Variants in ATP13A4 observed in about 807,000 individuals in gnomAD.
ATP13A4 encodes the protein ATPase 13A4.
A neutral mutation model predicts 142.5 loss-of-function variants in ATP13A4; 114 were observed. The ratio of observed to expected loss-of-function variants is 0.80; its 90% CI spans 0.69 to 0.93. The LOEUF is 0.93. Among genes scored for constraint, ATP13A4 ranks in the 40% least tolerant of loss-of-function variants. ATP13A4 has a pLI of 0.00. For missense variants in ATP13A4, 1,392 were observed against 1,454.0 expected, an observed-to-expected ratio of 0.96 and a Z score of 0.69; for synonymous variants, 488 against 514.8, an observed-to-expected ratio of 0.95 and a Z score of 0.70.
At chr3:193,548,338 A>C (rs954248958) in intron 1 of ATP13A4, among the ~76,000 whole-genome samples, 1 of 152,172 alleles carries the variant, frequency 6.6e-6, no homozygotes, top group African/African-American at 2.4e-5. Flanking sequence ...TTCTGGGTGT[A>C]ATGGGAAGGG....
At position 193,457,449 on chromosome 3, in the gene ATP13A4, C is replaced by T. The variant is rs192347580; in HGVS notation, c.1691G>A (p.Gly564Glu). Residue 564 changes from glycine (G) to glutamate (E), a missense_variant, in exon 15 of 30, where the codon GGG becomes GAG. Coordinates refer to ENST00000342695, the MANE Select transcript of ATP13A4 (RefSeq NM_032279.4). ...CACTCCCTTGATGTGGAAATCGTCC[C>T]CAGAAAAAGCCATTTCCTATTTCAC... ...EATTWEMAFS[G>E]DDFHIKGVPA... is the part of the protein sequence containing the mutation. The T allele has an allele frequency of 5.0e-6, 8 of 1,613,954 alleles. No individual in the cohort carries two copies. Among genetic ancestry groups the T allele is most frequent in the Middle Eastern group, 1.6e-4 (1 of 6,062 alleles).
intron 23 of ATP13A4, among the ~76,000 whole-genome samples, chr3:193,436,208 A>G (rs887233699): frequency 1.3e-5 from 2 of 152,224 alleles, no homozygotes; most frequent in Non-Finnish European, 2.9e-5. Context: ...CATTTGATTC[A>G]AATTTCATTT....
intron 1 of ATP13A4, among the ~76,000 whole-genome samples, chr3:193,524,487 A>G (rs544335957): frequency 1.3e-5 from 2 of 152,340 alleles, no homozygotes; most frequent in South Asian, 2.1e-4. Context: ...TGAATAAAAA[A>G]CAGCTCAAAA....
chr3:193,572,978 A>T lies in ATP13A4; in HGVS notation n.291+8729T>A, dbSNP rs1202902688. ...CACCTTCTTTACAAAAAAAAAAAAA[A>T]TTACAAAAATTAGCTGGGCATGGTG... On this transcript the variant is annotated intron_variant and non_coding_transcript_variant, in intron 2 of 3. Transcript: ENST00000489140. Among the ~76,000 whole-genome samples the T allele has an allele frequency of 2.4e-5, 3 of 125,280 alleles. No individual in the cohort carries two copies. In the East Asian group the frequency reaches 7.3e-4, roughly 31 times the overall value. 82.2% of individuals were successfully genotyped at this position (125,280 alleles called of 152,430 possible).
At chr3:193,408,454 T>C (rs1001257604) in intron 28 of ATP13A4, among the ~76,000 whole-genome samples, 1 of 152,194 alleles carries the variant, frequency 6.6e-6, no homozygotes, top group African/African-American at 2.4e-5. Context: ...GGAAAATGTA[T>C]GTACTGATAT....
chr3:193,570,790 T>C (rs1030981198), intron 2 of ATP13A4, among the ~76,000 whole-genome samples: 1 of 152,184 alleles, frequency 6.6e-6, no homozygotes, highest in Non-Finnish European at 1.5e-5. Flanking sequence ...TATTTATCTC[T>C]ACAAGCTTCA....
intron 22 of ATP13A4, 72 bp from the exon 23 acceptor site, chr3:193,438,656 G>T: frequency 6.1e-6 from 8 of 1,310,806 alleles, no homozygotes; most frequent in South Asian, 1.2e-5. Flanking sequence ...ATAAGAAAAG[G>T]CCAGTTAAGC....
At chr3:193,435,584 A>G in intron 24 of ATP13A4, 64 bp downstream of exon 24, 1 of 1,286,110 alleles carries the variant, frequency 7.8e-7, no homozygotes, top group Admixed American at 1.7e-5. Context: ...GGCATTGTAA[A>G]TTGAGAGTGC....
intron 2 of ATP13A4, among the ~76,000 whole-genome samples, chr3:193,578,315 ATATC>A (rs1724452729): frequency 7.0e-6 from 1 of 142,874 alleles, no homozygotes; most frequent in Non-Finnish European, 1.5e-5. Flanking sequence ...ATCTATATCT[ATATC>A]TATATCTATA....
intron 26 of ATP13A4, among the ~76,000 whole-genome samples, chr3:193,414,316 C>A (rs1714936845): frequency 6.6e-6 from 1 of 152,038 alleles, no homozygotes; most frequent in South Asian, 2.1e-4. Context: ...AATTATAATC[C>A]ATGGTCACCC....
chr3:193,584,160 T>C (rs1254843997), intron 1 of ATP13A4, among the ~76,000 whole-genome samples: 2 of 152,210 alleles, frequency 1.3e-5, no homozygotes, highest in African/African-American at 4.8e-5. Context: ...GCTGACCAGT[T>C]GACCCTAGAA....
intron 1 of ATP13A4, among the ~76,000 whole-genome samples, chr3:193,587,595 A>G (rs968128547): frequency 6.6e-6 from 1 of 152,196 alleles, no homozygotes; most frequent in Non-Finnish European, 1.5e-5. Flanking sequence ...TTTTGCAAGT[A>G]TATAGAAACA....
At chr3:193,433,797 G>A (rs774273426) in intron 25 of ATP13A4, 48 bp downstream of exon 25, 67 of 1,377,012 alleles carry the variant, frequency 4.9e-5, no homozygotes, top group Admixed American at 1.5e-4. Flanking sequence ...GCAGAGGGAG[G>A]GCAGCTGAGG....
At chr3:193,580,119 A>G (rs1450065525) in intron 2 of ATP13A4, among the ~76,000 whole-genome samples, 1 of 152,194 alleles carries the variant, frequency 6.6e-6, no homozygotes. Flanking sequence ...TATTTTATAT[A>G]AATATGTGAA....
rs1714201694 is a variant in ATP13A4 at position 193,399,692 on chromosome 3, C to T, written c.*2960G>A. Among the ~76,000 whole-genome samples, 1 of 151,624 alleles carries T rather than the reference C, an allele frequency of 6.6e-6. No individual in the cohort carries two copies. Among genetic ancestry groups the T allele is most frequent in the Non-Finnish European group, 1.5e-5 (1 of 67,910 alleles). On this transcript the variant is annotated 3_prime_UTR_variant, in exon 30 of 30. Coordinates refer to ENST00000342695, the MANE Select transcript of ATP13A4 (RefSeq NM_032279.4). ...TGAAACCCCATCTCTACTAAAAATA[C>T]AAAAAATTAGCCGGGCATGGTGGCA...
chr3:193,460,968 G>T (rs1054644632), intron 13 of ATP13A4, among the ~76,000 whole-genome samples: 4 of 152,136 alleles, frequency 2.6e-5, no homozygotes, highest in African/African-American at 9.7e-5. Context: ...TATAAGTCAG[G>T]TGCTCACTTC....
At chr3:193,542,146 A>G (rs540705673) in intron 1 of ATP13A4, among the ~76,000 whole-genome samples, 13 of 152,228 alleles carry the variant, frequency 8.5e-5, no homozygotes, top group Non-Finnish European at 1.8e-4. Flanking sequence ...TACAAAATCA[A>G]TGTGCAAAAA....
intron 1 of ATP13A4, among the ~76,000 whole-genome samples, chr3:193,586,104 CACACACACACACATAT>C (rs780668679): frequency 0.032 from 4,790 of 151,850 alleles, 89 homozygotes; most frequent in African/African-American, 0.04. Flanking sequence ...CACACACACA[CACACACACACACATAT>C]ACACACACAC....
chr3:193,501,349 A>C (rs930908604), intron 3 of ATP13A4, among the ~76,000 whole-genome samples: 1 of 152,110 alleles, frequency 6.6e-6, no homozygotes, highest in Non-Finnish European at 1.5e-5. Context: ...GCACTTTGGG[A>C]GGCTGAGGTT....
Sources: gnomAD v4.1 joint callset for allele counts (sites outside exome capture counted in the v4.1 genomes callset) on GRCh38, gnomAD v4.1.1 for gene constraint, MANE v1.5 for transcripts, NCBI Gene and HGNC (gene_info 2026-07-23, HGNC 2026-07-21) for gene names.